The following ADAMTS13 variants were observed in gnomAD, a reference collection of about 807,000 sequenced individuals.
The protein encoded by ADAMTS13 is ADAM metallopeptidase with thrombospondin type 1 motif 13, also known as A disintegrin and metalloproteinase with thrombospondin motifs 13.
In ADAMTS13, 110 loss-of-function variants were observed where a neutral mutation model predicts 155.1. That is an observed-to-expected ratio of 0.71 (90% CI 0.61 to 0.83). ADAMTS13 has a LOEUF of 0.83. ADAMTS13 is among the 40% of genes least tolerant of loss of function. The probability of loss-of-function intolerance (pLI) is 0.00; values close to 1 mark genes in which losing one functional copy is unlikely to be tolerated. For missense variants in ADAMTS13, 1,707 were observed against 1,891.7 expected, an observed-to-expected ratio of 0.90 and a Z score of 1.81; for synonymous variants, 758 against 756.4, an observed-to-expected ratio of 1.00 and a Z score of -0.03.
chr9:133,429,878 C>G (rs782701360), intron 7 of ADAMTS13, 61 bp from the exon 8 acceptor site: 3 of 1,532,376 alleles, frequency 2.0e-6, no homozygotes. Flanking sequence ...ACTCCTCCGT[C>G]CCGCCTCCTC....
intron 22 of ADAMTS13, among the ~76,000 whole-genome samples, chr9:133,449,071 C>T (rs1156553679): frequency 6.6e-6 from 1 of 152,154 alleles, no homozygotes; most frequent in African/African-American, 2.4e-5. Context: ...TCATTTTGTG[C>T]CCCCAGAAGA....
chr9:133,428,897 C>A, intron 7 of ADAMTS13, 126 bp downstream of exon 7: 1 of 1,051,036 alleles, frequency 9.5e-7, no homozygotes, highest in Non-Finnish European at 1.2e-6. Context: ...CCCCTCCGTC[C>A]AACCCACCCC....
intron 6 of ADAMTS13, 67 bp from the exon 7 acceptor site, chr9:133,428,567 G>GGGGCC: frequency 3.1e-5 from 3 of 96,950 alleles, no homozygotes; most frequent in Non-Finnish European, 6.1e-5. Flanking sequence ...GCCGACCCCC[G>GGGGCC]TCCCGCCCCC....
At chr9:133,426,372 G>T (rs782376508) in intron 6 of ADAMTS13, 27 bp downstream of exon 6, 4 of 1,598,864 alleles carry the variant, frequency 2.5e-6, no homozygotes. Flanking sequence ...GCTGTCCCCA[G>T]GATCTGGCAA....
intron 22 of ADAMTS13, 85 bp from the exon 23 acceptor site, chr9:133,449,698 T>C: frequency 6.6e-7 from 1 of 1,504,898 alleles, no homozygotes; most frequent in Non-Finnish European, 9.2e-7. Flanking sequence ...CTCTTCCTAG[T>C]CTGGGGAAAT....
chr9:133,417,796 C>A, upstream of ADAMTS13: 1 of 1,607,514 alleles, frequency 6.2e-7, no homozygotes, highest in Non-Finnish European at 8.5e-7. Flanking sequence ...GGCTTAGCCA[C>A]GGGGCTGCTC....
At position 133,425,568 on chromosome 9, in the gene ADAMTS13, T is replaced by C; in HGVS notation, c.370T>C (p.Phe124Leu). 6.2e-7 allele frequency: 1 copy of C among 1,613,718 alleles called. No individual in the cohort carries two copies. The highest frequency in any genetic ancestry group is 8.5e-7 in the Non-Finnish European group (1 of 1,180,008). The change falls in exon 4 of 29, where the codon TTT (phenylalanine) becomes CTT (leucine). Residue 124 changes from phenylalanine (F) to leucine (L), a missense_variant. Physicochemically the swap from Phe to Leu is conservative, Grantham distance 22. Transcript: ENST00000355699. This position sits in a 1 kb window ranked among gnomAD's most constrained non-coding sequence, Gnocchi z 4.6. Reference sequence around the variant, plus strand: ...TCGGGACCCGTCCCTGGGGGCTCAGTTTCGGGTGCACCTGGTGAAGATGGT... The same window carrying C: ...TCGGGACCCGTCCCTGGGGGCTCAGCTTCGGGTGCACCTGGTGAAGATGGT... ...LLRDPSLGAQ[F>L]RVHLVKMVIL...
intron 19 of ADAMTS13, among the ~76,000 whole-genome samples, chr9:133,444,272 C>T (rs782466927): frequency 6.6e-6 from 1 of 152,198 alleles, no homozygotes; most frequent in Non-Finnish European, 1.5e-5. Flanking sequence ...TGTTTCTCTG[C>T]ACCTGCTATG....
At position 133,443,414 on chromosome 9, in the gene ADAMTS13, G is replaced by T; in HGVS notation, c.2273G>T (p.Cys758Phe). 1 of 1,599,380 alleles carries T rather than the reference G, an allele frequency of 6.3e-7. No individual in the cohort carries two copies. The change falls in exon 19 of 29, where the codon TGT becomes TTT. Residue 758 changes from cysteine to phenylalanine, a missense_variant. Cys to Phe is a radical substitution (Grantham distance 205). Around this residue, in one of 3 missense-constraint regions of ADAMTS13, gnomAD observed 961 missense variants for 1,107.9 expected, o/e 0.87. Transcript: ENST00000355699. ...VGDFGPCSAS[C>F]GGGLRERPVR... ...GACTTCGGCCCATGCAGCGCCTCCT[G>T]TGGGGGTGGCCTGCGGGAGCGGCCA...
intron 8 of ADAMTS13, among the ~76,000 whole-genome samples, chr9:133,430,409 C>T (rs1554787008): frequency 1.3e-5 from 2 of 152,112 alleles, no homozygotes; most frequent in Non-Finnish European, 2.9e-5. Context: ...AAGGACTTCC[C>T]CATCTATTGT....
intron 14 of ADAMTS13, 144 bp downstream of exon 14, chr9:133,438,510 T>C (rs587692639): frequency 1.2e-5 from 16 of 1,309,932 alleles, no homozygotes; most frequent in Non-Finnish European, 1.6e-5. Flanking sequence ...TGTCAGCGTC[T>C]CCCTCTTCCA....
At chr9:133,457,814 C>A (rs1842831354) in intron 27 of ADAMTS13, 96 bp from the exon 28 acceptor site, 2 of 1,500,724 alleles carry the variant, frequency 1.3e-6, no homozygotes, top group South Asian at 1.1e-5. Flanking sequence ...GACCACAGTG[C>A]CATGCTGCCC....
At chr9:133,455,153 TG>T in intron 24 of ADAMTS13, 131 bp from the exon 25 acceptor site, 1 of 998,808 alleles carries the variant, frequency 1.0e-6, no homozygotes, top group Non-Finnish European at 1.5e-6. Flanking sequence ...TTCTCATCTG[TG>T]GAATGGAGAC....
rs1024726284 is a variant in ADAMTS13 at position 133,433,652 on chromosome 9, G to T, written c.1256G>T (p.Gly419Val). 6.2e-7 allele frequency: 1 copy of T among 1,613,860 alleles called. No individual in the cohort carries two copies. Among genetic ancestry groups the T allele is most frequent in the Admixed American group, 1.7e-5 (1 of 60,000 alleles). The change falls in exon 11 of 29, where the codon GGG becomes GTG. Residue 419 changes from glycine (G) to valine (V), a missense_variant. Transcript: ENST00000355699. The part of the protein sequence containing the change: ...RQCNNPRPAF[G>V]GRACVGADLQ... ...CTGGGCATTTTCAGACCTGCCTTTG[G>T]GGGGCGTGCATGTGTTGGTGCTGAC...
chr9:133,457,945 A>T lies in ADAMTS13; in HGVS notation c.3760A>T (p.Ile1254Phe). ...DMQLFGPWGE[I>F]VSPSLSPATS... The stretch of plus-strand genomic sequence containing the variant: ...GCAGCTCTTTGGGCCCTGGGGTGAA[A>T]TCGTGAGCCCCTCGCTGAGTCCAGC... The change falls in exon 28 of 29, where the codon ATC (isoleucine) becomes TTC (phenylalanine). Residue 1254 changes from isoleucine (I) to phenylalanine (F), a missense_variant. Ile to Phe is a conservative substitution (Grantham distance 21, BLOSUM62 0). Transcript: ENST00000355699. 1 of 1,613,752 alleles carries T rather than the reference A, an allele frequency of 6.2e-7. No homozygotes were observed. The highest frequency in any genetic ancestry group is 1.3e-5 in the African/African-American group (1 of 75,032).
At chr9:133,428,809 A>C (rs1554786030) in intron 7 of ADAMTS13, 38 bp downstream of exon 7, 1 of 1,258,012 alleles carries the variant, frequency 7.9e-7, no homozygotes, top group Non-Finnish European at 1.0e-6. Context: ...GCGAGCCTCC[A>C]GCCAGCCCGC....
chr9:133,428,011 C>T (rs1840395321), intron 6 of ADAMTS13, among the ~76,000 whole-genome samples: 1 of 152,192 alleles, frequency 6.6e-6, no homozygotes, highest in South Asian at 2.1e-4. Flanking sequence ...TTAGCTAGTC[C>T]TCTGGTCCAG....
intron 11 of ADAMTS13, 124 bp from the exon 12 acceptor site, chr9:133,436,705 C>T (rs1030726089): frequency 8.9e-6 from 9 of 1,013,360 alleles, no homozygotes; most frequent in Admixed American, 2.1e-5. Flanking sequence ...AACCGAGGCA[C>T]GGCCTGGAGC....
Position 133,458,962 on chromosome 9 carries a change from C to G in ADAMTS13, c.3910-12C>G. On this transcript the variant is annotated splice_polypyrimidine_tract_variant and intron_variant, in intron 28 of 28. Coordinates refer to ENST00000355699, the MANE Select transcript of ADAMTS13 (RefSeq NM_139027.6). ...TGTGGCCGGTCCTTCTGGGCTGCCCCTTTTCTCTCAGATCCGGGACACCCA... is the reference window on the plus strand; with the variant it reads ...TGTGGCCGGTCCTTCTGGGCTGCCCGTTTTCTCTCAGATCCGGGACACCCA... The G allele has an allele frequency of 6.2e-7, 1 of 1,612,106 alleles. No homozygotes were observed. Among genetic ancestry groups the G allele is most frequent in the Non-Finnish European group, 8.5e-7 (1 of 1,179,500 alleles).
Sources: gnomAD v4.1 joint callset for allele counts (sites outside exome capture counted in the v4.1 genomes callset) on GRCh38, gnomAD v4.1.1 for gene constraint, gnomAD v4.1.1 regional missense constraint, Gnocchi (gnomAD v3.1) non-coding constraint, MANE v1.5 for transcripts, NCBI Gene and HGNC (gene_info 2026-07-23, HGNC 2026-07-21) for gene names.